Variants in LRRC40 observed in about 807,000 individuals in gnomAD.
LRRC40 encodes leucine-rich repeat-containing protein 40.
LRRC40 carries 76 observed loss-of-function variants against 72.8 expected under a neutral mutation model. The ratio of observed to expected loss-of-function variants is 1.04; its 90% CI spans 0.87 to 1.26. The LOEUF is 1.26. Among genes scored for constraint, LRRC40 ranks in the 50% most tolerant of loss-of-function variants. LRRC40 has a pLI of 0.00. For missense variants in LRRC40, 684 were observed against 698.9 expected, an observed-to-expected ratio of 0.98 and a Z score of 0.24; for synonymous variants, 243 against 254.2, an observed-to-expected ratio of 0.96 and a Z score of 0.42.
At chr1:70,177,028 C>A (rs779134085) in intron 6 of LRRC40, among the ~76,000 whole-genome samples, 37 of 152,184 alleles carry the variant, frequency 2.4e-4, no homozygotes, top group Non-Finnish European at 4.0e-4. Context: ...GTAATCCCAG[C>A]ACTCTGGGAG....
chr1:70,165,504 A>C (rs1311170360), intron 9 of LRRC40, among the ~76,000 whole-genome samples: 1 of 152,206 alleles, frequency 6.6e-6, no homozygotes, highest in African/African-American at 2.4e-5. Flanking sequence ...TGGATTGTTC[A>C]GTTTCTTTAA....
At chr1:70,189,794 T>C (rs527893394) in intron 1 of LRRC40, among the ~76,000 whole-genome samples, 3 of 152,236 alleles carry the variant, frequency 2.0e-5, no homozygotes, top group Non-Finnish European at 1.5e-5. Flanking sequence ...ATTATTCCCA[T>C]TGGATGGATG....
intron 9 of LRRC40, among the ~76,000 whole-genome samples, chr1:70,165,725 T>C (rs1205511851): frequency 6.6e-6 from 1 of 151,918 alleles, no homozygotes; most frequent in Admixed American, 6.6e-5. Context: ...CTCAAAGAGC[T>C]CCAGAAAATT....
intron 9 of LRRC40, among the ~76,000 whole-genome samples, chr1:70,172,926 T>C (rs1668029081): frequency 6.6e-6 from 1 of 151,986 alleles, no homozygotes; most frequent in Non-Finnish European, 1.5e-5. Context: ...TATTCTATAA[T>C]GATAGACATG....
intron 1 of LRRC40, among the ~76,000 whole-genome samples, chr1:70,198,717 T>C (rs1034280724): frequency 6.6e-6 from 1 of 152,196 alleles, no homozygotes; most frequent in African/African-American, 2.4e-5. Context: ...TGTTTAAATA[T>C]GAATACATAT....
chr1:70,199,536 T>A (rs1019316705), intron 1 of LRRC40, among the ~76,000 whole-genome samples: 1 of 152,054 alleles, frequency 6.6e-6, no homozygotes, highest in Non-Finnish European at 1.5e-5. Flanking sequence ...CTCCTTTTCC[T>A]CCTCCTCCTC....
chr1:70,184,728 C>G (rs1668322284), intron 4 of LRRC40, 57 bp downstream of exon 4: 1 of 1,491,802 alleles, frequency 6.7e-7, no homozygotes, highest in Non-Finnish European at 9.0e-7. Flanking sequence ...ATTTCTCAGC[C>G]TGATGAAAAA....
Position 70,148,531 on chromosome 1 carries a change from G to C in LRRC40, c.1659C>G (p.Asp553Glu). The C allele has an allele frequency of 6.2e-7, 1 of 1,613,262 alleles. No individual in the cohort carries two copies. Among genetic ancestry groups the C allele is most frequent in the Non-Finnish European group, 8.5e-7 (1 of 1,179,486 alleles). Residue 553 changes from aspartate (D) to glutamate (E), a missense_variant, in exon 14 of 15, where the codon GAC becomes GAG. Asp to Glu is a conservative substitution (Grantham distance 45). Transcript: ENST00000370952. ...CGAGCTCTGGTGGAATTTGTAAGAG[G>C]TCATTATTTTGAAGGTCCAACGTGG... Reference protein sequence around the residue: ...NLTTLDLQNNDLLQIPPELGN... With the variant: ...NLTTLDLQNNELLQIPPELGN...
intron 2 of LRRC40, among the ~76,000 whole-genome samples, chr1:70,187,838 G>GGAAGAAAAGA (rs1553216053): frequency 8.1e-6 from 1 of 123,692 alleles, no homozygotes; most frequent in Non-Finnish European, 1.6e-5. Flanking sequence ...CTCAAAAAAT[G>GGAAGAAAAGA]GAAGAGAAGA....
chr1:70,173,433 C>T (rs1385370856), intron 9 of LRRC40, 32 bp downstream of exon 9: 1 of 1,475,238 alleles, frequency 6.8e-7, no homozygotes, highest in Non-Finnish European at 9.4e-7. Flanking sequence ...TTTTATGAAT[C>T]CTTCAAAATA....
chr1:70,149,446 T>C lies in LRRC40; in HGVS notation c.1518-774A>G, dbSNP rs187940655. Among the ~76,000 whole-genome samples the C allele has an allele frequency of 9.3e-4, 142 of 152,206 alleles. No homozygotes were observed. The Middle Eastern group carries it at 0.014, about 15-fold the overall frequency. On this transcript the variant is annotated intron_variant, in intron 13 of 14. Transcript: ENST00000370952. ...AGTTCCAGTAAGACTAGAGAAGCAATAGCCAAGAGTACAGATGGACCAAAT... is the reference window on the plus strand; with the variant it reads ...AGTTCCAGTAAGACTAGAGAAGCAACAGCCAAGAGTACAGATGGACCAAAT...
At chr1:70,185,041 C>T (rs1668330125) in intron 3 of LRRC40, 127 bp from the exon 4 acceptor site, 2 of 696,318 alleles carry the variant, frequency 2.9e-6, no homozygotes, top group Non-Finnish European at 4.5e-6. Flanking sequence ...ACTTTAAGTA[C>T]TTATCAAAAT....
At chr1:70,200,619 G>A (rs1394933482) in intron 1 of LRRC40, among the ~76,000 whole-genome samples, 8 of 152,146 alleles carry the variant, frequency 5.3e-5, no homozygotes, top group Non-Finnish European at 7.3e-5. Context: ...AAACACTTAT[G>A]AGACTATGAA....
In LRRC40 at chr1:70,181,106, G is replaced by T. The variant is rs1391442765; in HGVS notation, c.641C>A (p.Ala214Glu). ...TTTACTTTTCATTCTATTTATTTCT[G>T]CTGGCAAACTCTTCAGTTCATTACT... Reference protein sequence around the residue: ...LSSNELKSLPAEINRMKRLKH... With the variant: ...LSSNELKSLPEEINRMKRLKH... Residue 214 changes from alanine (A) to glutamate (E), a missense_variant, in exon 5 of 15, where the codon GCA (alanine) becomes GAA (glutamate). Ala to Glu is a moderately radical substitution (Grantham distance 107). Transcript: ENST00000370952. 6.5e-7 allele frequency: 1 copy of T among 1,549,452 alleles called. No homozygotes were observed. Among genetic ancestry groups the T allele is most frequent in the Non-Finnish European group, 8.8e-7 (1 of 1,132,890 alleles).
At chr1:70,149,602 A>G (rs1273785409) in intron 13 of LRRC40, among the ~76,000 whole-genome samples, 1 of 152,226 alleles carries the variant, frequency 6.6e-6, no homozygotes, top group Non-Finnish European at 1.5e-5. Flanking sequence ...TGTTAGCTCA[A>G]TTGACAACAC....
rs182872031 is a variant in LRRC40 at position 70,187,655 on chromosome 1, T to C, written c.334-317A>G. 4.1e-3 allele frequency among the ~76,000 whole-genome samples: 591 copies of C among 145,318 alleles called. 4 individuals carry two copies. The highest frequency in any genetic ancestry group is 0.014 in the African/African-American group (549 of 39,072). ...GCCTAGGCAAATTAGTGAGACCTTGTCTCTACAAAAAAAAAAAAAATTCTT... is the reference window on the plus strand; with the variant it reads ...GCCTAGGCAAATTAGTGAGACCTTGCCTCTACAAAAAAAAAAAAAATTCTT... On this transcript the variant is annotated intron_variant, in intron 2 of 14. Transcript: ENST00000370952.
intron 1 of LRRC40, among the ~76,000 whole-genome samples, chr1:70,189,666 T>C (rs1668450235): frequency 6.6e-6 from 1 of 152,214 alleles, no homozygotes; most frequent in African/African-American, 2.4e-5. Flanking sequence ...GTAATAACTT[T>C]TATAACAGAA....
intron 7 of LRRC40, among the ~76,000 whole-genome samples, chr1:70,175,449 C>T (rs1346847221): frequency 6.6e-6 from 1 of 152,096 alleles, no homozygotes; most frequent in Non-Finnish European, 1.5e-5. Flanking sequence ...CTAAAACGTA[C>T]CCATATTTGG....
intron 9 of LRRC40, among the ~76,000 whole-genome samples, chr1:70,168,902 G>C (rs12139863): frequency 0.13 from 19,779 of 152,164 alleles, 1,652 homozygotes; most frequent in Non-Finnish European, 0.19. Flanking sequence ...AAACGTATGA[G>C]CTGTAGATAA....
Sources: allele counts gnomAD v4.1 joint callset (sites outside exome capture counted in the v4.1 genomes callset), GRCh38; gene constraint gnomAD v4.1.1; transcripts MANE v1.5; gene names NCBI Gene and HGNC (gene_info 2026-07-23, HGNC 2026-07-21).